IL12RB2: variants seen among roughly 807,000 people sequenced by gnomAD.
IL12RB2 encodes the protein interleukin 12 receptor subunit beta 2.
IL12RB2 carries 82 observed loss-of-function variants against 89.4 expected under a neutral mutation model. The ratio of observed to expected loss-of-function variants is 0.92; its 90% CI spans 0.77 to 1.10. IL12RB2 has a LOEUF of 1.10. IL12RB2 is among the 50% of genes least tolerant of loss of function. IL12RB2 has a pLI of 0.00. For missense variants in IL12RB2, 963 were observed against 1,031.9 expected (o/e 0.93, Z 0.92); for synonymous variants, 368 against 370.1 (o/e 0.99, Z 0.07).
intron 9 of IL12RB2, 98 bp from the exon 10 acceptor site, chr1:67,350,772 C>G (rs1660738455): frequency 6.4e-7 from 1 of 1,560,092 alleles, no homozygotes; most frequent in Non-Finnish European, 8.7e-7. Flanking sequence ...GGTCACTCAG[C>G]TGTAGCTGCC....
Position 67,344,263 on chromosome 1 carries a change from G to T in IL12RB2, c.1038+5560G>T, listed in dbSNP as rs150814042. The stretch of plus-strand genomic sequence containing the variant: ...TTGTTATGTAGCCAAATTTTAAAAT[G>T]TAAAAAGAAACAGGTGAAATTAATT... On this transcript the variant is annotated intron_variant, in intron 9 of 16. Coordinates refer to ENST00000674203, the MANE Select transcript of IL12RB2 (RefSeq NM_001374259.2). Among the ~76,000 whole-genome samples, 518 of 152,288 alleles carry T rather than the reference G, an allele frequency of 3.4e-3. 8 individuals are homozygous for T. The highest frequency in any genetic ancestry group is 0.015 in the East Asian group (78 of 5,190).
intron 9 of IL12RB2, among the ~76,000 whole-genome samples, chr1:67,341,794 A>G (rs935817783): frequency 6.6e-6 from 1 of 152,208 alleles, no homozygotes; most frequent in African/African-American, 2.4e-5. Context: ...AATGGCCCCA[A>G]ACAGGCCACT....
intron 10 of IL12RB2, among the ~76,000 whole-genome samples, chr1:67,362,362 C>G (rs544954999): frequency 2.0e-5 from 3 of 149,730 alleles, no homozygotes; most frequent in African/African-American, 7.4e-5. Flanking sequence ...GTCAGGAGAT[C>G]GAGACCATCC....
chr1:67,311,271 G>T (rs528558417), intron 1 of IL12RB2, among the ~76,000 whole-genome samples: 1 of 152,282 alleles, frequency 6.6e-6, no homozygotes, highest in Admixed American at 6.5e-5. Context: ...TAACATGGGA[G>T]CCCTGAGGCA....
intron 2 of IL12RB2, among the ~76,000 whole-genome samples, chr1:67,315,093 G>A (rs1275915245): frequency 6.6e-6 from 1 of 152,004 alleles, no homozygotes; most frequent in African/African-American, 2.4e-5. Context: ...ATTTTTACCT[G>A]GTAGTCAGAG....
rs535164639 is a variant in IL12RB2, at chr1:67,358,491, G to A, written c.1258+7402G>A. The stretch of plus-strand genomic sequence containing the variant: ...CTTTGGAGGCTGAGGCAGGAGAATC[G>A]CTTGAAGCCAGGAGACACATGTTGC... On this transcript the variant is annotated intron_variant, in intron 10 of 16. Coordinates refer to ENST00000674203, the MANE Select transcript of IL12RB2 (RefSeq NM_001374259.2). Among the ~76,000 whole-genome samples the A allele has an allele frequency of 3.3e-5, 5 of 152,026 alleles. No individual in the cohort carries two copies. In the East Asian group the frequency reaches 5.8e-4, roughly 18 times the overall value.
At chr1:67,331,621 C>T (rs17129798) in intron 8 of IL12RB2, among the ~76,000 whole-genome samples, 8,614 of 152,092 alleles carry the variant, frequency 0.057, 831 homozygotes, top group African/African-American at 0.2. Flanking sequence ...GGGCAGATCA[C>T]GAGGTCAGGA....
chr1:67,353,827 A>T (rs766496023), intron 10 of IL12RB2, among the ~76,000 whole-genome samples: 1 of 152,220 alleles, frequency 6.6e-6, no homozygotes, highest in Non-Finnish European at 1.5e-5. Flanking sequence ...AAATCAGAAT[A>T]ACTTACTTCT....
chr1:67,389,137 G>T (rs895972262), intron 15 of IL12RB2, among the ~76,000 whole-genome samples: 1 of 152,044 alleles, frequency 6.6e-6, no homozygotes, highest in Non-Finnish European at 1.5e-5. Flanking sequence ...TATCCAGACT[G>T]GTGGGCAGCT....
chr1:67,369,764 G>A (rs998044569), intron 11 of IL12RB2, among the ~76,000 whole-genome samples: 2 of 152,146 alleles, frequency 1.3e-5, no homozygotes, highest in Admixed American at 6.5e-5. Flanking sequence ...ACTAGGCTGG[G>A]CGCGGTGGCT....
intron 8 of IL12RB2, among the ~76,000 whole-genome samples, chr1:67,338,392 T>C (rs990800142): frequency 2.5e-4 from 27 of 106,936 alleles, no homozygotes; most frequent in African/African-American, 7.8e-4. Context: ...AGAAACAAAT[T>C]CCTCATCATT....
intron 1 of IL12RB2, among the ~76,000 whole-genome samples, chr1:67,311,069 C>G (rs1654989624): frequency 6.6e-6 from 1 of 152,124 alleles, no homozygotes; most frequent in Admixed American, 6.6e-5. Flanking sequence ...GGAACTTAGG[C>G]TGAGTGGTCA....
chr1:67,341,514 G>A (rs369771135), intron 9 of IL12RB2, among the ~76,000 whole-genome samples: 2 of 73,308 alleles, frequency 2.7e-5, no homozygotes, highest in Admixed American at 1.4e-4. Flanking sequence ...AAGAAAGAAG[G>A]AAAGAAAAAA....
chr1:67,314,653 A>G (rs1163239919), intron 2 of IL12RB2, among the ~76,000 whole-genome samples: 1 of 152,160 alleles, frequency 6.6e-6, no homozygotes, highest in Non-Finnish European at 1.5e-5. Context: ...CCAACATGAG[A>G]TTATCACCTG....
chr1:67,315,517 A>G (rs1655645471), intron 2 of IL12RB2, among the ~76,000 whole-genome samples: 1 of 152,224 alleles, frequency 6.6e-6, no homozygotes, highest in Admixed American at 6.5e-5. Context: ...CATAGCTACT[A>G]TAGGGGTAGA....
chr1:67,367,271 C>T (rs181704378), intron 10 of IL12RB2, among the ~76,000 whole-genome samples: 2 of 151,792 alleles, frequency 1.3e-5, no homozygotes, highest in African/African-American at 2.4e-5. Context: ...GACATGCACC[C>T]GTGGTCTCAG....
chr1:67,343,843 T>C (rs982630082), intron 9 of IL12RB2, among the ~76,000 whole-genome samples: 2 of 152,212 alleles, frequency 1.3e-5, no homozygotes, highest in African/African-American at 4.8e-5. Flanking sequence ...TTGAAATTTG[T>C]TTGAGGCCAT....
intron 4 of IL12RB2, among the ~76,000 whole-genome samples, chr1:67,322,582 G>C (rs924962313): frequency 3.9e-5 from 6 of 152,160 alleles, no homozygotes; most frequent in Non-Finnish European, 8.8e-5. Context: ...AACATCACTG[G>C]ACTGGCCACA....
intron 4 of IL12RB2, among the ~76,000 whole-genome samples, chr1:67,324,563 C>T (rs951770749): frequency 3.3e-5 from 5 of 151,872 alleles, no homozygotes; most frequent in African/African-American, 1.2e-4. Context: ...ACCATGTTAC[C>T]CAGGCTCAAA....
Sources: gnomAD v4.1 joint callset for allele counts (sites outside exome capture counted in the v4.1 genomes callset) on GRCh38, gnomAD v4.1.1 for gene constraint, MANE v1.5 for transcripts, NCBI Gene and HGNC (gene_info 2026-07-23, HGNC 2026-07-21) for gene names.